The following ROBO2 variants were observed in gnomAD, a reference collection of about 807,000 sequenced individuals.
ROBO2 encodes the protein roundabout homolog 2.
In ROBO2, 53 loss-of-function variants were observed where a neutral mutation model predicts 160.8. That is an observed-to-expected ratio of 0.33 (90% confidence interval 0.26 to 0.41). The LOEUF (loss-of-function observed/expected upper bound fraction) is 0.41. Among genes scored for constraint, ROBO2 ranks in the 10% least tolerant of loss-of-function variants. The pLI is 1.00. For synonymous variants in ROBO2, 664 were observed against 611.7 expected (o/e 1.09, Z -1.26); for missense variants, 1,577 against 1,722.4 (o/e 0.92, Z 1.49).
At chr3:76,060,756 T>A (rs1296774517) in intron 2 of ROBO2, among the ~76,000 whole-genome samples, 2 of 152,234 alleles carry the variant, frequency 1.3e-5, no homozygotes, top group African/African-American at 4.8e-5. Flanking sequence ...AGACATCTCC[T>A]TCTTACTGCT....
rs5850225 is a variant in ROBO2, at chr3:76,008,232, C to CAAAAAAAAAAAAAAAAAAAAAAAAAAA, written c.109+70652_109+70653insAAAAAAAAAAAAAAAAAAAAAAAAAAA. On this transcript the variant is annotated intron_variant, in intron 2 of 26. Coordinates refer to the ROBO2 transcript ENST00000487694. Reference sequence around the variant, plus strand: ...ACTGAGTGACAGAGCAAGACTCTGTCAAAAAAAAAAAAAAAAAAAAAAGAA... The same window carrying CAAAAAAAAAAAAAAAAAAAAAAAAAAA: ...ACTGAGTGACAGAGCAAGACTCTGTCAAAAAAAAAAAAAAAAAAAAAAAAAAAAAAAAAAAAAAAAAAAAAAAAAGAA... 2.4e-5 allele frequency among the ~76,000 whole-genome samples: 2 copies of CAAAAAAAAAAAAAAAAAAAAAAAAAAA among 82,280 alleles called. 1 individual carries two copies. Among genetic ancestry groups the CAAAAAAAAAAAAAAAAAAAAAAAAAAA allele is most frequent in the African/African-American group, 9.0e-5 (2 of 22,248 alleles). 54.0% of individuals were successfully genotyped at this position (82,280 alleles called of 152,430 possible). A position where few individuals can be genotyped will look rare whatever the true frequency, so the allele number is the denominator to read the frequency against.
rs538906711 is a variant in ROBO2, at chr3:77,553,776, G to A, written c.1231+2787G>A. Among the ~76,000 whole-genome samples, 8 of 152,052 alleles carry A rather than the reference G, an allele frequency of 5.3e-5. No individual in the cohort carries two copies. In the East Asian group the frequency reaches 1.4e-3, roughly 26 times the overall value. On this transcript the variant is annotated intron_variant, in intron 8 of 25. Transcript: ENST00000461745. ...GAAGGCTGAGAGAGGTGAGGAAGCT[G>A]TAGAAGAAAAATTTGAAGCTACCAG...
intron 2 of ROBO2, among the ~76,000 whole-genome samples, chr3:77,004,102 A>G (rs2061463877): frequency 6.6e-6 from 1 of 152,188 alleles, no homozygotes. Context: ...TCTTATCTGA[A>G]TCAAAGATAA....
At chr3:75,940,046 T>G (rs1446925086) in intron 2 of ROBO2, among the ~76,000 whole-genome samples, 1 of 152,152 alleles carries the variant, frequency 6.6e-6, no homozygotes, top group East Asian at 1.9e-4. Flanking sequence ...ATTTTCACAT[T>G]ATTTCACATA....
At chr3:76,550,610 C>T (rs1446289685) in intron 2 of ROBO2, among the ~76,000 whole-genome samples, 2 of 152,146 alleles carry the variant, frequency 1.3e-5, no homozygotes, top group Non-Finnish European at 2.9e-5. Flanking sequence ...TGTCCAGCCA[C>T]AGCTCCAGAC....
chr3:76,440,140 A>G lies in ROBO2; in HGVS notation c.109+502538A>G, dbSNP rs531152936. Among the ~76,000 whole-genome samples the G allele has an allele frequency of 4.8e-4, 73 of 152,266 alleles. No individual in the cohort carries two copies. The South Asian group carries it at 0.012, about 26-fold the overall frequency. ...CTGAAGATGGAGAGGATGTGAAATG[A>G]TGTGGGGGGAAAGCGAGAAATTCCA... is the stretch of plus-strand genomic sequence containing the variant. On this transcript the variant is annotated intron_variant, in intron 2 of 26. Transcript: ENST00000487694.
At chr3:77,313,964 G>A (rs2063756303) in intron 2 of ROBO2, among the ~76,000 whole-genome samples, 1 of 152,180 alleles carries the variant, frequency 6.6e-6, no homozygotes, top group African/African-American at 2.4e-5. Context: ...CCTATTTCAT[G>A]TTGGCTGGGG....
intron 2 of ROBO2, among the ~76,000 whole-genome samples, chr3:76,733,724 G>C (rs998288141): frequency 1.3e-5 from 2 of 152,140 alleles, no homozygotes; most frequent in Non-Finnish European, 2.9e-5. Context: ...AATGTTTCAT[G>C]TGGGAATTTT....
intron 2 of ROBO2, among the ~76,000 whole-genome samples, chr3:76,759,635 A>G (rs895433627): frequency 6.6e-6 from 1 of 150,564 alleles, no homozygotes; most frequent in Non-Finnish European, 1.5e-5. Flanking sequence ...TAAAAAGTAC[A>G]TGGAATTTCA....
rs560064494 is a variant in ROBO2, at chr3:75,954,295, G to T, written c.109+16693G>T. 6.6e-5 allele frequency among the ~76,000 whole-genome samples: 10 copies of T among 151,908 alleles called. No individual in the cohort carries two copies. In the South Asian group the frequency reaches 2.1e-3, roughly 32 times the overall value. On this transcript the variant is annotated intron_variant, in intron 2 of 26. Coordinates refer to the ROBO2 transcript ENST00000487694. ...CAAGGACACTTGATACAGCTATAAG[G>T]CTGTGTCTTTATCAGGTCCCTTTGG...
At chr3:76,840,054 T>C (rs2068073677) in intron 2 of ROBO2, among the ~76,000 whole-genome samples, 1 of 152,278 alleles carries the variant, frequency 6.6e-6, no homozygotes, top group South Asian at 2.1e-4. Context: ...CTTCTCTCTT[T>C]TTTCTTATTT....
At chr3:76,147,832 T>C (rs2071977860) in intron 2 of ROBO2, among the ~76,000 whole-genome samples, 3 of 152,028 alleles carry the variant, frequency 2.0e-5, no homozygotes, top group Admixed American at 2.0e-4. Context: ...CATTCTTTGG[T>C]GATTAAGCTT....
chr3:76,494,065 A>C (rs1284628764), intron 2 of ROBO2, among the ~76,000 whole-genome samples: 3 of 152,032 alleles, frequency 2.0e-5, no homozygotes, highest in African/African-American at 7.3e-5. Flanking sequence ...AGCACCAACC[A>C]CAATGGCTGA....
chr3:77,610,444 C>T (rs1001988030), intron 21 of ROBO2, among the ~76,000 whole-genome samples: 2 of 151,994 alleles, frequency 1.3e-5, no homozygotes, highest in Non-Finnish European at 2.9e-5. Context: ...TGTGGAAGAA[C>T]TAATAATCTC....
At position 76,891,723 on chromosome 3, in the gene ROBO2, G is replaced by A. The variant is rs900726317; in HGVS notation, c.110-206291G>A. Reference sequence around the variant, plus strand: ...GAGAAATAATGGTCTGGATCTTCACGAAAAGGAGGAGAACCTATAAATCAC... The same window carrying A: ...GAGAAATAATGGTCTGGATCTTCACAAAAAGGAGGAGAACCTATAAATCAC... On this transcript the variant is annotated intron_variant, in intron 2 of 26. Transcript: ENST00000487694. 3.3e-5 allele frequency among the ~76,000 whole-genome samples: 5 copies of A among 152,162 alleles called. No homozygotes were observed. The East Asian group carries it at 5.8e-4, about 18-fold the overall frequency.
At chr3:77,040,025 T>C in exon 1 of ROBO2, 1 of 852,548 alleles carries the variant, frequency 1.2e-6, no homozygotes, top group Non-Finnish European at 1.4e-6. Context: ...CGCGGGGGTG[T>C]CTGCAGCCTC....
intron 2 of ROBO2, among the ~76,000 whole-genome samples, chr3:76,507,130 C>G (rs958976756): frequency 1.3e-5 from 2 of 151,860 alleles, no homozygotes; most frequent in African/African-American, 2.4e-5. Flanking sequence ...GAAATAGTTA[C>G]AATCAACATA....
At chr3:77,584,664 C>CT (rs2093997753) in intron 16 of ROBO2, among the ~76,000 whole-genome samples, 1 of 151,876 alleles carries the variant, frequency 6.6e-6, no homozygotes, top group African/African-American at 2.4e-5. Flanking sequence ...ACAGTATTAA[C>CT]TTTTCTTTAA....
chr3:76,226,331 A>C (rs1704282589), intron 2 of ROBO2, among the ~76,000 whole-genome samples: 1 of 152,094 alleles, frequency 6.6e-6, no homozygotes, highest in Admixed American at 6.6e-5. Flanking sequence ...TAGCACCACA[A>C]AATTCTTCTG....
Sources: gnomAD v4.1 joint callset for allele counts (sites outside exome capture counted in the v4.1 genomes callset) on GRCh38, gnomAD v4.1.1 for gene constraint, MANE v1.5 for transcripts, NCBI Gene and HGNC (gene_info 2026-07-23, HGNC 2026-07-21) for gene names.